HMCN1: variants seen among roughly 807,000 people sequenced by gnomAD.
HMCN1 encodes the protein hemicentin 1.
Under a neutral mutation model 625.9 loss-of-function variants are expected in HMCN1, and 321 were observed. The observed-to-expected ratio is 0.51, with a 90% CI of 0.47 to 0.56. HMCN1 has a LOEUF of 0.56. Among genes scored for constraint, HMCN1 ranks in the 20% least tolerant of loss-of-function variants. The pLI is 0.00. For synonymous variants in HMCN1, 2,425 were observed against 2,417.6 expected, an observed-to-expected ratio of 1.00 and a Z score of -0.09; for missense variants, 6,588 against 6,887.3, an observed-to-expected ratio of 0.96 and a Z score of 1.54.
intron 102 of HMCN1, among the ~76,000 whole-genome samples, chr1:186,172,864 G>C (rs766567201): frequency 1.3e-5 from 2 of 152,052 alleles, no homozygotes; most frequent in African/African-American, 4.8e-5. Context: ...ACACCATAAA[G>C]AGGAACAAAT....
intron 4 of HMCN1, among the ~76,000 whole-genome samples, chr1:185,907,801 C>T (rs1244544077): frequency 2.0e-5 from 3 of 151,874 alleles, no homozygotes; most frequent in African/African-American, 7.2e-5. Flanking sequence ...ACTGTGATGG[C>T]ATTACCATGT....
chr1:185,841,989 CTTTTG>C (rs1259773779), intron 1 of HMCN1, among the ~76,000 whole-genome samples: 4 of 152,138 alleles, frequency 2.6e-5, no homozygotes, highest in Non-Finnish European at 4.4e-5. Flanking sequence ...GAATAAATAA[CTTTTG>C]TTTTAACCAA....
At chr1:186,002,311 T>C (rs1345360918) in intron 28 of HMCN1, among the ~76,000 whole-genome samples, 1 of 152,146 alleles carries the variant, frequency 6.6e-6, no homozygotes, top group Non-Finnish European at 1.5e-5. Flanking sequence ...TGTGAAATTA[T>C]ATTTGCCATT....
intron 4 of HMCN1, among the ~76,000 whole-genome samples, chr1:185,896,507 ATTCT>A (rs1665498663): frequency 6.6e-6 from 1 of 152,188 alleles, no homozygotes; most frequent in Non-Finnish European, 1.5e-5. Context: ...TTTTTCTATG[ATTCT>A]TTATTTTACA....
intron 11 of HMCN1, among the ~76,000 whole-genome samples, chr1:185,934,271 A>G (rs1215441068): frequency 2.0e-5 from 3 of 152,168 alleles, no homozygotes; most frequent in African/African-American, 7.2e-5. Context: ...TGCCTTTAAA[A>G]TAAAGGTTTA....
intron 39 of HMCN1, among the ~76,000 whole-genome samples, chr1:186,040,405 TA>T (rs892968677): frequency 1.3e-5 from 2 of 152,142 alleles, no homozygotes; most frequent in Non-Finnish European, 2.9e-5. Context: ...AAATTAAAAA[TA>T]TAGAAATGCG....
Position 186,166,816 on chromosome 1 carries a change from G to A in HMCN1, c.15448G>A (p.Glu5150Lys). ...GATTCCCTCTGTTGCAGATATTGAT[G>A]AGTGTGCTTTGGGTAGGCATACCTG... is the stretch of plus-strand genomic sequence containing the variant. The part of the protein sequence containing the change: ...ADGRTCQDID[E>K]CALGRHTCHA... The change falls in exon 100 of 107, where the codon GAG (glutamate) becomes AAG (lysine). Residue 5150 changes from glutamate (E) to lysine (K), a missense_variant. Physicochemically the swap from Glu to Lys is moderately conservative, Grantham distance 56. Transcript: ENST00000271588. 1 of 1,614,148 alleles carries A rather than the reference G, an allele frequency of 6.2e-7. No homozygotes were observed. Among genetic ancestry groups the A allele is most frequent in the Non-Finnish European group, 8.5e-7 (1 of 1,180,012 alleles).
chr1:185,820,111 A>G (rs1299335806), intron 1 of HMCN1, among the ~76,000 whole-genome samples: 1 of 152,170 alleles, frequency 6.6e-6, no homozygotes, highest in African/African-American at 2.4e-5. Flanking sequence ...TTTGATTGGG[A>G]ACTGTCAGCA....
At chr1:185,789,801 G>A (rs1396746296) in intron 1 of HMCN1, among the ~76,000 whole-genome samples, 1 of 152,154 alleles carries the variant, frequency 6.6e-6, no homozygotes, top group African/African-American at 2.4e-5. Context: ...GTGGGCTCAG[G>A]CAAAGAGCCT....
rs2102060961 is a variant in HMCN1 at position 185,737,269 on chromosome 1, T to C, written c.268+2222T>C. 1.3e-5 allele frequency among the ~76,000 whole-genome samples: 2 copies of C among 151,950 alleles called. 1 individual carries two copies. The highest frequency in any genetic ancestry group is 4.2e-4 in the South Asian group (2 of 4,776). ...TCCTAGGCTCAAGCAGTCCTCTCAC[T>C]TCAGCCTCCCGAGTAGCTGGGACAA... On this transcript the variant is annotated intron_variant, in intron 1 of 106. Transcript: ENST00000271588.
At chr1:185,916,744 G>A (rs1326031415) in intron 6 of HMCN1, among the ~76,000 whole-genome samples, 1 of 152,088 alleles carries the variant, frequency 6.6e-6, no homozygotes, top group African/African-American at 2.4e-5. Flanking sequence ...GTGCTAGGAG[G>A]AATTCTCCCT....
intron 68 of HMCN1, among the ~76,000 whole-genome samples, chr1:186,101,942 A>T (rs1054453566): frequency 6.6e-6 from 1 of 152,166 alleles, no homozygotes; most frequent in African/African-American, 2.4e-5. Context: ...TAGTTTTCAC[A>T]AATGAACTTG....
At chr1:186,152,959 C>G in intron 96 of HMCN1, 88 bp downstream of exon 96, 2 of 1,511,092 alleles carry the variant, frequency 1.3e-6, no homozygotes, top group Non-Finnish European at 1.8e-6. Flanking sequence ...AACTTGTTCA[C>G]TCTGTGGGGG....
chr1:186,096,333 A>G (rs1046585474), intron 68 of HMCN1, among the ~76,000 whole-genome samples: 6 of 152,156 alleles, frequency 3.9e-5, no homozygotes, highest in Non-Finnish European at 8.8e-5. Flanking sequence ...GTTAAGCTTT[A>G]TGAGGGCAGA....
intron 28 of HMCN1, 24 bp from the exon 29 acceptor site, chr1:186,003,694 C>T: frequency 6.2e-7 from 1 of 1,611,748 alleles, no homozygotes; most frequent in Non-Finnish European, 8.5e-7. Flanking sequence ...AACAGAGTTT[C>T]ATAATACACT....
intron 1 of HMCN1, among the ~76,000 whole-genome samples, chr1:185,794,254 A>C (rs984883952): frequency 6.6e-6 from 1 of 152,102 alleles, no homozygotes. Flanking sequence ...CTCAGGCCCC[A>C]ATTATGAATT....
rs367753644 is a variant in HMCN1, at chr1:186,053,777, A to G, written c.6701-48A>G. The G allele has an allele frequency of 4.0e-5, 63 of 1,594,158 alleles. No homozygotes were observed. In the African/African-American group the frequency reaches 8.3e-4, roughly 21 times the overall value. Reference sequence around the variant, plus strand: ...TGTCATACTTGGCAATGTATACAAAATGCTTTACATTTCTGCCTCATATTC... The same window carrying G: ...TGTCATACTTGGCAATGTATACAAAGTGCTTTACATTTCTGCCTCATATTC... On this transcript the variant is annotated intron_variant, in intron 43 of 106. Coordinates refer to ENST00000271588, the MANE Select transcript of HMCN1 (RefSeq NM_031935.3).
chr1:185,782,212 C>A (rs1657173933), intron 1 of HMCN1, among the ~76,000 whole-genome samples: 1 of 152,134 alleles, frequency 6.6e-6, no homozygotes, highest in African/African-American at 2.4e-5. Context: ...GATCTTCCTC[C>A]ATCCCTTTAT....
chr1:185,821,301 A>G (rs1329946042), intron 1 of HMCN1, among the ~76,000 whole-genome samples: 2 of 152,114 alleles, frequency 1.3e-5, no homozygotes, highest in South Asian at 2.1e-4. Flanking sequence ...TTAGCTCTAA[A>G]TTTTGATTTA....
Sources: allele counts gnomAD v4.1 joint callset (sites outside exome capture counted in the v4.1 genomes callset), GRCh38; gene constraint gnomAD v4.1.1; transcripts MANE v1.5; gene names NCBI Gene and HGNC (gene_info 2026-07-23, HGNC 2026-07-21).